CFAP95: variants seen among roughly 807,000 people sequenced by gnomAD.
The protein encoded by CFAP95 is cilia- and flagella-associated protein 95.
At chr9:69,906,169 T>C in the CFAP95 span, 1 of 1,507,108 alleles carries the variant, frequency 6.6e-7, no homozygotes, top group East Asian at 2.3e-5. Flanking sequence ...CTCTGACTAA[T>C]GAAAAATGGA....
the CFAP95 span, among the ~76,000 whole-genome samples, chr9:69,903,019 A>G: frequency 6.6e-6 from 1 of 152,240 alleles, no homozygotes; most frequent in East Asian, 1.9e-4. Flanking sequence ...TACAAAATCC[A>G]GCTCAAACTG....
At chr9:69,860,735 T>A in the CFAP95 span, among the ~76,000 whole-genome samples, 1 of 151,394 alleles carries the variant, frequency 6.6e-6, no homozygotes, top group Non-Finnish European at 1.5e-5. Context: ...ATTAAACAAT[T>A]TTTTTTACTT....
At chr9:69,837,539 G>A in the CFAP95 span, among the ~76,000 whole-genome samples, 1 of 152,178 alleles carries the variant, frequency 6.6e-6, no homozygotes, top group Middle Eastern at 3.2e-3. Flanking sequence ...CTTTTGAGAA[G>A]TGTCTGTTCA....
At chr9:69,834,671 G>C in the CFAP95 span, among the ~76,000 whole-genome samples, 1 of 152,200 alleles carries the variant, frequency 6.6e-6, no homozygotes, top group Non-Finnish European at 1.5e-5. Flanking sequence ...ATAATGATGG[G>C]TCTTATTTAT....
chr9:69,891,511 T>A, the CFAP95 span, among the ~76,000 whole-genome samples: 1,110 of 152,120 alleles, frequency 7.3e-3, 5 homozygotes, highest in Non-Finnish European at 0.013. Flanking sequence ...TTTTTTTTTT[T>A]TTGGATTTAA....
chr9:69,860,325 A>G, the CFAP95 span, among the ~76,000 whole-genome samples: 1 of 152,098 alleles, frequency 6.6e-6, no homozygotes, highest in Non-Finnish European at 1.5e-5. Flanking sequence ...TCACATGGCA[A>G]CAGTGGGAGC....
At chr9:69,895,369 C>CTCTCTGTGTGTGTGTG in the CFAP95 span, among the ~76,000 whole-genome samples, 3,021 of 107,692 alleles carry the variant, frequency 0.028, 83 homozygotes, top group Non-Finnish European at 0.042. Context: ...CTCTCTCTCT[C>CTCTCTGTGTGTGTGTG]TGTGTGTGTG....
the CFAP95 span, among the ~76,000 whole-genome samples, chr9:69,887,609 A>T: frequency 6.6e-6 from 1 of 152,264 alleles, no homozygotes. Flanking sequence ...AAAATTCTTT[A>T]GTGAGGAAAG....
the CFAP95 span, among the ~76,000 whole-genome samples, chr9:69,830,981 A>G: frequency 1.3e-5 from 2 of 152,194 alleles, no homozygotes; most frequent in Non-Finnish European, 2.9e-5. Context: ...TTTGATAGGC[A>G]TTAATCTTTA....
the CFAP95 span, among the ~76,000 whole-genome samples, chr9:69,897,305 TG>T: frequency 6.6e-6 from 1 of 152,208 alleles, no homozygotes; most frequent in Admixed American, 6.5e-5. Context: ...GAATGGTTTT[TG>T]CTGTGCTAAT....
chr9:69,899,168 T>G, the CFAP95 span, among the ~76,000 whole-genome samples: 1 of 152,258 alleles, frequency 6.6e-6, no homozygotes. Flanking sequence ...GTCACAACTC[T>G]GTGTGTGTAG....
chr9:69,843,815 AT>A, the CFAP95 span, among the ~76,000 whole-genome samples: 1 of 150,560 alleles, frequency 6.6e-6, no homozygotes, highest in Admixed American at 6.6e-5. Flanking sequence ...TGATTTTTGT[AT>A]TTTTTGTAGA....
chr9:69,868,288 G>A, the CFAP95 span, among the ~76,000 whole-genome samples: 11 of 151,750 alleles, frequency 7.2e-5, no homozygotes, highest in East Asian at 1.9e-3. Flanking sequence ...TTTTTGGACA[G>A]ACATCAAAGG....
the CFAP95 span, among the ~76,000 whole-genome samples, chr9:69,850,978 TTC>T: frequency 6.6e-6 from 1 of 152,218 alleles, no homozygotes; most frequent in Non-Finnish European, 1.5e-5. Context: ...AGCAAATATC[TTC>T]TCTGTCATTT....
chr9:69,865,521 A>T, the CFAP95 span, among the ~76,000 whole-genome samples: 1 of 152,264 alleles, frequency 6.6e-6, no homozygotes, highest in African/African-American at 2.4e-5. Flanking sequence ...AGGCCATATT[A>T]TGGATGGCTG....
At chr9:69,868,258 G>A in the CFAP95 span, among the ~76,000 whole-genome samples, 1 of 126,236 alleles carries the variant, frequency 7.9e-6, no homozygotes, top group Non-Finnish European at 1.7e-5. Context: ...CTTGACATTG[G>A]TCTTGGAAAT....
chr9:69,823,622 C>T, the CFAP95 span, among the ~76,000 whole-genome samples: 26 of 152,292 alleles, frequency 1.7e-4, no homozygotes, highest in South Asian at 4.3e-3. Context: ...AAGTTAGTTT[C>T]GCTCACGTGC....
the CFAP95 span, among the ~76,000 whole-genome samples, chr9:69,898,002 A>T: frequency 6.6e-6 from 1 of 152,020 alleles, no homozygotes; most frequent in Non-Finnish European, 1.5e-5. Context: ...TTTTGTTGCA[A>T]CTCCAGTGCT....
At chr9:69,873,374 G>T in the CFAP95 span, among the ~76,000 whole-genome samples, 22 of 152,184 alleles carry the variant, frequency 1.4e-4, no homozygotes, top group Non-Finnish European at 3.2e-4. Flanking sequence ...AGAAGTAGGA[G>T]GAAATGACCG....
Sources: allele counts gnomAD v4.1 joint callset (sites outside exome capture counted in the v4.1 genomes callset), GRCh38; gene constraint gnomAD v4.1.1; transcripts MANE v1.5; gene names NCBI Gene and HGNC (gene_info 2026-07-23, HGNC 2026-07-21).